The following HHAT variants were observed in gnomAD, a reference collection of about 807,000 sequenced individuals.
The protein encoded by HHAT is protein-cysteine N-palmitoyltransferase HHAT.
A neutral mutation model predicts 70.8 loss-of-function variants in HHAT; 47 were observed. The ratio of observed to expected loss-of-function variants is 0.66; its 90% CI spans 0.53 to 0.85. HHAT has a LOEUF of 0.85. HHAT is among the 40% of genes least tolerant of loss of function. The pLI is 0.00. For missense variants in HHAT, 609 were observed against 604.8 expected (o/e 1.01, Z -0.07); for synonymous variants, 228 against 247.6 (o/e 0.92, Z 0.74).
chr1:210,373,980 G>A (rs960301946), intron 3 of HHAT, among the ~76,000 whole-genome samples: 2 of 152,080 alleles, frequency 1.3e-5, no homozygotes, highest in Non-Finnish European at 2.9e-5. Flanking sequence ...ACCAGGGAAA[G>A]TTACACAGAC....
chr1:210,362,052 G>A (rs1212966915), intron 2 of HHAT, among the ~76,000 whole-genome samples: 2 of 146,556 alleles, frequency 1.4e-5, no homozygotes, highest in Non-Finnish European at 3.0e-5. Context: ...TACTGTGTCT[G>A]GTTACTGTAC....
In HHAT at chr1:210,436,445, C is replaced by T. The variant is rs560067021; in HGVS notation, c.856+18120C>T. ...TTTGCTCAGGGTTGCTTTGGCTATT[C>T]GGGGTCTTTTGTAGTTCCATATGAG... On this transcript the variant is annotated intron_variant, in intron 7 of 11. Transcript: ENST00000261458. Among the ~76,000 whole-genome samples, 6 of 151,514 alleles carry T rather than the reference C, an allele frequency of 4.0e-5. No homozygotes were observed. In the South Asian group the frequency reaches 8.3e-4, roughly 21 times the overall value.
rs1298510287 is a variant in HHAT, at chr1:210,501,226, T to C, written c.1008-11927T>C. Among the ~76,000 whole-genome samples, 3 of 152,270 alleles carry C rather than the reference T, an allele frequency of 2.0e-5. No homozygotes were observed. In the East Asian group the frequency reaches 5.8e-4, roughly 29 times the overall value. ...ACATAGTAGGCACTTTAAATATTCA[T>C]TAAATGGATTTCTTTGCCATTCTTA... On this transcript the variant is annotated intron_variant, in intron 8 of 11. Transcript: ENST00000261458.
chr1:210,400,733 A>G (rs1386706357), intron 5 of HHAT, 71 bp downstream of exon 5: 25 of 1,395,874 alleles, frequency 1.8e-5, no homozygotes, highest in Non-Finnish European at 2.3e-5. Flanking sequence ...CCCAGTAGAC[A>G]CCTTGGTTTT....
chr1:210,607,376 GTTGT>G (rs6143599), intron 10 of HHAT, among the ~76,000 whole-genome samples: 110,097 of 151,606 alleles, frequency 0.73, 41,377 homozygotes, highest in East Asian at 0.94. Context: ...AGATGTTTAT[GTTGT>G]TTAATTGGAT....
intron 6 of HHAT, among the ~76,000 whole-genome samples, chr1:210,414,331 T>C (rs1299086302): frequency 6.6e-6 from 1 of 152,200 alleles, no homozygotes; most frequent in African/African-American, 2.4e-5. Context: ...TTTCAACATA[T>C]GAATTTTAGT....
In HHAT at chr1:210,623,669, A is replaced by C. The variant is rs759828685; in HGVS notation, c.1389A>C (p.Gln463His). 2 of 1,613,696 alleles carry C rather than the reference A, an allele frequency of 1.2e-6. No individual in the cohort carries two copies. The highest frequency in any genetic ancestry group is 1.7e-6 in the Non-Finnish European group (2 of 1,179,770). The change falls in exon 11 of 12, where the codon CAA becomes CAC. Residue 463 changes from glutamine to histidine, a missense_variant and splice_region_variant. Coordinates refer to ENST00000261458, the MANE Select transcript of HHAT (RefSeq NM_018194.6). ...GKTYWNRIFIQGWPWVTLSVL... is the reference protein window; with the variant it reads ...GKTYWNRIFIHGWPWVTLSVL... ...CCTACTGGAATAGGATCTTCATACA[A>C]GGTAAGTTGCTTGACAGTGCTGTTT...
At chr1:210,349,486 C>A (rs1183168878) in intron 2 of HHAT, among the ~76,000 whole-genome samples, 2 of 152,054 alleles carry the variant, frequency 1.3e-5, no homozygotes, top group African/African-American at 4.8e-5. Flanking sequence ...AGGTCACATT[C>A]CAGCCCAAAG....
chr1:210,608,138 T>C (rs1311215605), intron 10 of HHAT, among the ~76,000 whole-genome samples: 1 of 152,188 alleles, frequency 6.6e-6, no homozygotes, highest in African/African-American at 2.4e-5. Flanking sequence ...GCATCTGCAG[T>C]GAAGACTCCA....
At chr1:210,394,417 G>A (rs2091659774) in intron 4 of HHAT, among the ~76,000 whole-genome samples, 1 of 152,124 alleles carries the variant, frequency 6.6e-6, no homozygotes, top group South Asian at 2.1e-4. Context: ...AGCTTTGGCT[G>A]TGCATTTGTT....
At chr1:210,616,545 C>T (rs1667780015) in intron 10 of HHAT, among the ~76,000 whole-genome samples, 1 of 152,146 alleles carries the variant, frequency 6.6e-6, no homozygotes, top group Admixed American at 6.5e-5. Flanking sequence ...TTGGTATCTG[C>T]CAACCATTGT....
At chr1:210,390,871 A>G (rs1051738507) in intron 4 of HHAT, among the ~76,000 whole-genome samples, 12 of 152,214 alleles carry the variant, frequency 7.9e-5, no homozygotes, top group African/African-American at 2.4e-4. Flanking sequence ...TGGTGTATAT[A>G]TACCACATTA....
intron 3 of HHAT, among the ~76,000 whole-genome samples, chr1:210,370,340 A>G (rs2148060280): frequency 6.6e-6 from 1 of 151,184 alleles, no homozygotes; most frequent in Non-Finnish European, 1.5e-5. Flanking sequence ...ATGCCTGGCT[A>G]ATTTTTGTAT....
At chr1:210,329,479 C>T (rs1374967266) in intron 1 of HHAT, 1 of 1,027,722 alleles carries the variant, frequency 9.7e-7, no homozygotes, top group Admixed American at 5.7e-5. Context: ...TCCAGGGACT[C>T]TAAAGTTAGA....
chr1:210,397,674 A>G (rs559661112), intron 4 of HHAT, among the ~76,000 whole-genome samples: 31 of 152,134 alleles, frequency 2.0e-4, no homozygotes, highest in East Asian at 3.8e-4. Flanking sequence ...ACATAAGCAC[A>G]TTTGGAGTAG....
At chr1:210,670,297 A>G (rs1679816984) in intron 11 of HHAT, among the ~76,000 whole-genome samples, 1 of 152,208 alleles carries the variant, frequency 6.6e-6, no homozygotes, top group African/African-American at 2.4e-5. Flanking sequence ...CCTTGTGTCT[A>G]CAGGCCACCA....
In HHAT at chr1:210,385,385, A is replaced by G. The variant is rs911689123; in HGVS notation, c.160-2083A>G. Among the ~76,000 whole-genome samples, 20 of 151,228 alleles carry G rather than the reference A, an allele frequency of 1.3e-4. 1 individual carries two copies. The East Asian group carries it at 3.9e-3, about 30-fold the overall frequency. ...TCACATGACCTTTGAACTTATTTACATTTGTTTAGTTAATTGACTCTTGGC... is the reference window on the plus strand; with the variant it reads ...TCACATGACCTTTGAACTTATTTACGTTTGTTTAGTTAATTGACTCTTGGC... On this transcript the variant is annotated intron_variant, in intron 3 of 11. Coordinates refer to ENST00000261458, the MANE Select transcript of HHAT (RefSeq NM_018194.6).
intron 2 of HHAT, among the ~76,000 whole-genome samples, chr1:210,359,579 G>T (rs1254747055): frequency 6.6e-6 from 1 of 151,956 alleles, no homozygotes; most frequent in Non-Finnish European, 1.5e-5. Flanking sequence ...TTTCATCTCC[G>T]ACCTGACCAA....
chr1:210,624,998 C>T (rs1558302060), intron 11 of HHAT, among the ~76,000 whole-genome samples: 1 of 152,192 alleles, frequency 6.6e-6, no homozygotes, highest in Non-Finnish European at 1.5e-5. Flanking sequence ...GAAATAACAG[C>T]AACACAGCTG....
Sources: allele counts gnomAD v4.1 joint callset (sites outside exome capture counted in the v4.1 genomes callset), GRCh38; gene constraint gnomAD v4.1.1; transcripts MANE v1.5; gene names NCBI Gene and HGNC (gene_info 2026-07-23, HGNC 2026-07-21).